GALNT3: variants seen among roughly 807,000 people sequenced by gnomAD.
GALNT3 encodes polypeptide N-acetylgalactosaminyltransferase 3, also known as GalNAc transferase 3.
A neutral mutation model predicts 69.8 loss-of-function variants in GALNT3; 51 were observed. The ratio of observed to expected loss-of-function variants is 0.73; its 90% CI spans 0.58 to 0.92. The LOEUF (loss-of-function observed/expected upper bound fraction) is 0.92. Among genes scored for constraint, GALNT3 ranks in the 40% least tolerant of loss-of-function variants. GALNT3 has a pLI of 0.00. For missense variants in GALNT3, 711 were observed against 760.0 expected, an observed-to-expected ratio of 0.94 and a Z score of 0.76; for synonymous variants, 265 against 248.5, an observed-to-expected ratio of 1.07 and a Z score of -0.63.
In GALNT3 at chr2:165,751,435, AG is replaced by A. The variant is rs373396133; in HGVS notation, c.1627-1542del. On this transcript the variant is annotated intron_variant, in intron 9 of 10. Transcript: ENST00000392701. ...GGAAACACAGGAAGAAACTGAGTTTAGATGATGAAAATAGCATTCTAGCTAT... is the reference window on the plus strand; with the variant it reads ...GGAAACACAGGAAGAAACTGAGTTTAATGATGAAAATAGCATTCTAGCTAT... Among the ~76,000 whole-genome samples, 67 of 152,344 alleles carry A rather than the reference AG, an allele frequency of 4.4e-4. No individual in the cohort carries two copies. The East Asian group carries it at 0.013, about 29-fold the overall frequency.
intron 1 of GALNT3, chr2:165,771,768 C>T (rs1214009348): frequency 2.0e-5 from 3 of 152,130 alleles, no homozygotes; most frequent in Non-Finnish European, 4.4e-5. Context: ...AAGAAAATAT[C>T]ATTTATAGCA....
intron 10 of GALNT3, 146 bp downstream of exon 10, chr2:165,749,596 G>T: frequency 1.3e-6 from 1 of 780,088 alleles, no homozygotes. Context: ...CTTATCACAT[G>T]GGTAGAAACA....
chr2:165,790,949 A>G (rs1202769554), intron 1 of GALNT3, among the ~76,000 whole-genome samples: 1 of 152,172 alleles, frequency 6.6e-6, no homozygotes, highest in Admixed American at 6.5e-5. Flanking sequence ...TAAAACTTTA[A>G]GAGTTCAGAA....
intron 3 of GALNT3, among the ~76,000 whole-genome samples, chr2:165,763,329 CT>C (rs911179016): frequency 6.6e-6 from 1 of 152,052 alleles, no homozygotes; most frequent in East Asian, 1.9e-4. Context: ...ATAATATAAC[CT>C]TTTTTTCAAT....
intron 2 of GALNT3, among the ~76,000 whole-genome samples, chr2:165,767,392 A>T (rs1408904716): frequency 6.6e-6 from 1 of 152,148 alleles, no homozygotes; most frequent in Non-Finnish European, 1.5e-5. Flanking sequence ...ATTAATCGAT[A>T]ATTATAAAAT....
chr2:165,752,337 C>A (rs1288322229), intron 9 of GALNT3, among the ~76,000 whole-genome samples: 1 of 152,140 alleles, frequency 6.6e-6, no homozygotes, highest in Non-Finnish European at 1.5e-5. Flanking sequence ...CCACCCTACC[C>A]CGAAACACAC....
intron 5 of GALNT3, 67 bp from the exon 6 acceptor site, chr2:165,758,931 A>G (rs1688494217): frequency 1.0e-6 from 1 of 987,932 alleles, no homozygotes; most frequent in Admixed American, 1.8e-5. Context: ...ATATTTTAAG[A>G]ACTGAAGTTA....
intron 1 of GALNT3, among the ~76,000 whole-genome samples, chr2:165,786,121 G>A (rs1456779033): frequency 2.0e-5 from 3 of 152,286 alleles, no homozygotes; most frequent in African/African-American, 7.2e-5. Context: ...AGTAGAGGTG[G>A]CTGTGTATGA....
intron 1 of GALNT3, among the ~76,000 whole-genome samples, chr2:165,778,996 G>A (rs1290378482): frequency 6.6e-5 from 10 of 152,168 alleles, no homozygotes. Context: ...GACAGAGCAG[G>A]TCCATGGTGT....
intron 1 of GALNT3, among the ~76,000 whole-genome samples, chr2:165,793,071 T>C (rs190295825): frequency 1.5e-4 from 23 of 152,228 alleles, no homozygotes; most frequent in African/African-American, 5.3e-4. Context: ...TTTGATGAGT[T>C]GGAAAGAGAA....
intron 3 of GALNT3, among the ~76,000 whole-genome samples, chr2:165,764,532 G>A (rs1330893633): frequency 1.3e-5 from 2 of 152,158 alleles, no homozygotes; most frequent in East Asian, 3.9e-4. Flanking sequence ...TCACAGCAGA[G>A]AGGTTGAGTA....
In GALNT3 at chr2:165,770,766, T is replaced by TA. The variant is rs1018232995; in HGVS notation, c.-67dup. On this transcript the variant is annotated 5_prime_UTR_variant, in exon 2 of 11. The change creates a premature stop within an existing upstream ORF in the 5' untranslated region. Coordinates refer to ENST00000392701, the MANE Select transcript of GALNT3 (RefSeq NM_004482.4). ...TTCTTCTTCTGTTACTTATATTTTT[T>TA]ATCATAGATTTGCTGAGAAGAAGGT... is the stretch of plus-strand genomic sequence containing the variant. 3.6e-5 allele frequency: 56 copies of TA among 1,549,118 alleles called. No homozygotes were observed. The South Asian group carries it at 4.4e-4, about 12-fold the overall frequency.
chr2:165,773,985 G>C (rs1375239636), intron 1 of GALNT3, among the ~76,000 whole-genome samples: 2 of 152,166 alleles, frequency 1.3e-5, no homozygotes, highest in East Asian at 1.9e-4. Context: ...TTGGCAGAGA[G>C]AGTAGTTGTA....
At chr2:165,756,593 C>T (rs1688446857) in intron 7 of GALNT3, among the ~76,000 whole-genome samples, 1 of 151,898 alleles carries the variant, frequency 6.6e-6, no homozygotes, top group African/African-American at 2.4e-5. Context: ...TTCTCAAAGG[C>T]TTTGCCAAAG....
At chr2:165,791,512 A>T (rs1025682506) in intron 1 of GALNT3, among the ~76,000 whole-genome samples, 1 of 152,152 alleles carries the variant, frequency 6.6e-6, no homozygotes, top group Admixed American at 6.5e-5. Context: ...ATTTATATAC[A>T]CTCACATTGG....
At chr2:165,769,036 C>A (rs1201199728) in intron 2 of GALNT3, among the ~76,000 whole-genome samples, 1 of 149,664 alleles carries the variant, frequency 6.7e-6, no homozygotes, top group African/African-American at 2.4e-5. Context: ...CTCAGCTGAT[C>A]TGCCCTCCTC....
intron 1 of GALNT3, among the ~76,000 whole-genome samples, chr2:165,782,726 T>C (rs1044352053): frequency 2.0e-5 from 3 of 152,148 alleles, no homozygotes; most frequent in Non-Finnish European, 2.9e-5. Flanking sequence ...GGAATTAGTA[T>C]GAAAGGTCTG....
At chr2:165,787,758 T>G (rs547874133) in intron 1 of GALNT3, among the ~76,000 whole-genome samples, 1 of 152,326 alleles carries the variant, frequency 6.6e-6, no homozygotes, top group Admixed American at 6.5e-5. Flanking sequence ...TTATATTTTT[T>G]AAGTAAAGGC....
In GALNT3 at chr2:165,758,824, CTT is replaced by C; in HGVS notation, c.1112_1113del (p.Lys371ArgfsTer4). The C allele has an allele frequency of 6.2e-7, 1 of 1,610,974 alleles. No individual in the cohort carries two copies. Among genetic ancestry groups the C allele is most frequent in the South Asian group, 1.1e-5 (1 of 90,980 alleles). ...TFAGGLFSISKEYFEYIGSYD... is the reference protein window; with the variant it reads ...TFAGGLFSISXEYFEYIGSYD... ...TAGCTTCCAATATACTCAAAATATT[CTT>C]TTGATATGGAAAAAAGTCCTCCTGC... is the stretch of plus-strand genomic sequence containing the variant. On this transcript the variant is annotated frameshift_variant, in exon 6 of 11. Coordinates refer to ENST00000392701, the MANE Select transcript of GALNT3 (RefSeq NM_004482.4). LOFTEE classifies it high-confidence loss of function.
Sources: gnomAD v4.1 joint callset for allele counts (sites outside exome capture counted in the v4.1 genomes callset) on GRCh38, gnomAD v4.1.1 for gene constraint, MANE v1.5 for transcripts, NCBI Gene and HGNC (gene_info 2026-07-23, HGNC 2026-07-21) for gene names.